STAT3: variants seen among roughly 807,000 people sequenced by gnomAD.
The protein encoded by STAT3 is DNA-binding protein APRF.
A neutral mutation model predicts 114.3 loss-of-function variants in STAT3; 7 were observed. The observed-to-expected ratio is 0.06, with a 90% CI of 0.03 to 0.11. STAT3 has a LOEUF of 0.11. Among genes scored for constraint, STAT3 ranks in the 10% least tolerant of loss-of-function variants. The pLI is 1.00. For missense variants in STAT3, 364 were observed against 960.9 expected, an observed-to-expected ratio of 0.38 and a Z score of 8.21; for synonymous variants, 331 against 354.5, an observed-to-expected ratio of 0.93 and a Z score of 0.74.
chr17:42,379,645 T>G (rs1338122376), intron 1 of STAT3, among the ~76,000 whole-genome samples: 1 of 152,130 alleles, frequency 6.6e-6, no homozygotes, highest in Admixed American at 6.6e-5. Flanking sequence ...TCATTCCTCT[T>G]CCCCTCAAAC....
intron 1 of STAT3, among the ~76,000 whole-genome samples, chr17:42,352,122 C>T (rs556221054): frequency 2.6e-5 from 4 of 151,994 alleles, no homozygotes; most frequent in South Asian, 2.1e-4. Flanking sequence ...GGGTGGATCA[C>T]GAGGTCAGGA....
intron 1 of STAT3, among the ~76,000 whole-genome samples, chr17:42,362,448 T>C (rs2083559214): frequency 6.6e-6 from 1 of 152,092 alleles, no homozygotes. Context: ...ACACTGTGGG[T>C]AGAGAGACCT....
At chr17:42,353,713 G>C (rs1233953756) in intron 1 of STAT3, among the ~76,000 whole-genome samples, 35 of 151,996 alleles carry the variant, frequency 2.3e-4, no homozygotes, top group Non-Finnish European at 2.5e-4. Flanking sequence ...GCTGGGACTA[G>C]GGGCACAAGC....
chr17:42,324,936 C>T lies in STAT3; in HGVS notation c.1464+27G>A, dbSNP rs754031019. On this transcript the variant is annotated intron_variant, in intron 16 of 23. Transcript: ENST00000264657. The surrounding 1 kb of genome is among the most constrained non-coding windows in gnomAD (Gnocchi z 4.5). ...CCCTAAGTCGCAAGAGATCCCGGGGCACCAACTAAAAGGAGGGGGCACTAA... is the reference window on the plus strand; with the variant it reads ...CCCTAAGTCGCAAGAGATCCCGGGGTACCAACTAAAAGGAGGGGGCACTAA... The T allele has an allele frequency of 6.8e-6, 11 of 1,614,128 alleles. No individual in the cohort carries two copies. Among genetic ancestry groups the T allele is most frequent in the Non-Finnish European group, 9.3e-6 (11 of 1,179,990 alleles).
intron 1 of STAT3, among the ~76,000 whole-genome samples, chr17:42,383,619 G>A (rs955626770): frequency 3.3e-5 from 5 of 152,132 alleles, no homozygotes; most frequent in African/African-American, 9.7e-5. Context: ...GTAAGCCAAG[G>A]TGTCTAACAA....
At chr17:42,381,743 A>AC (rs1422843838) in intron 1 of STAT3, among the ~76,000 whole-genome samples, 1 of 151,910 alleles carries the variant, frequency 6.6e-6, no homozygotes. Flanking sequence ...AAAAAAAAAA[A>AC]AAAAAGGAAT....
intron 1 of STAT3, 137 bp from the exon 2 acceptor site, chr17:42,348,676 C>T (rs532876515): frequency 1.1e-5 from 11 of 1,013,226 alleles, no homozygotes; most frequent in East Asian, 2.6e-5. Context: ...GCTTCTTTCT[C>T]CCAGTTTATT....
rs1197921156 is a variant in STAT3, at chr17:42,322,990, G to T, written c.1888+14C>A. On this transcript the variant is annotated intron_variant, in intron 20 of 23. Coordinates refer to ENST00000264657, the MANE Select transcript of STAT3 (RefSeq NM_139276.3). ...CAGCCACCAGCAGGTGGGGTGGGTG[G>T]GAGCCTCCCTTACCGCTGATGTCCT... 6.2e-7 allele frequency: 1 copy of T among 1,613,070 alleles called. No homozygotes were observed. The highest frequency in any genetic ancestry group is 1.3e-5 in the African/African-American group (1 of 74,984).
At chr17:42,322,232 T>G (rs1232276621) in intron 21 of STAT3, 50 bp downstream of exon 21, 2 of 1,603,570 alleles carry the variant, frequency 1.2e-6, no homozygotes, top group Non-Finnish European at 1.7e-6. Context: ...ATCCCAAAAT[T>G]TCCAACTTTT....
At chr17:42,388,061 AG>A in intron 1 of STAT3, 1 of 524,890 alleles carries the variant, frequency 1.9e-6, no homozygotes, top group East Asian at 3.5e-5. Context: ...GTTTCTCCGA[AG>A]AACGAAACTT....
rs373396475 is a variant in STAT3, at chr17:42,335,198, C to T, written c.798-1149G>A. On this transcript the variant is annotated intron_variant, in intron 8 of 23. Transcript: ENST00000264657. ...AGTGCAATGGCATGATCATAGCTCACTGCCTCCTCCAACTCCTGGACATGA... is the reference window on the plus strand; with the variant it reads ...AGTGCAATGGCATGATCATAGCTCATTGCCTCCTCCAACTCCTGGACATGA... Among the ~76,000 whole-genome samples, 11 of 152,110 alleles carry T rather than the reference C, an allele frequency of 7.2e-5. No individual in the cohort carries two copies. In the South Asian group the frequency reaches 1.9e-3, roughly 26 times the overall value.
rs1462777520 is a variant in STAT3, at chr17:42,348,456, G to C, written c.61C>G (p.Leu21Val). 6.2e-7 allele frequency: 1 copy of C among 1,614,080 alleles called. No homozygotes were observed. The highest frequency in any genetic ancestry group is 8.5e-7 in the Non-Finnish European group (1 of 1,180,038). The change falls in exon 2 of 24, where the codon CTC becomes GTC. Residue 21 changes from leucine to valine, a missense_variant. Transcript: ENST00000264657. Reference protein sequence around the residue: ...DTRYLEQLHQLYSDSFPMELR... With the variant: ...DTRYLEQLHQVYSDSFPMELR... ...TCCATTGGGAAGCTGTCACTGTAGA[G>C]CTGATGGAGCTGCTCCAGGTACCGT...
intron 21 of STAT3, among the ~76,000 whole-genome samples, chr17:42,319,620 T>C (rs1598386113): frequency 6.6e-6 from 1 of 150,838 alleles, no homozygotes; most frequent in Admixed American, 6.6e-5. Flanking sequence ...GTAAATGTAC[T>C]TTATCTAATT....
intron 4 of STAT3, among the ~76,000 whole-genome samples, chr17:42,341,777 T>TCCCTGCCACAAATAG (rs1304915500): frequency 1.3e-5 from 2 of 151,908 alleles, no homozygotes; most frequent in Non-Finnish European, 2.9e-5. Flanking sequence ...GGTCATACAG[T>TCCCTGCCACAAATAG]CCCTGCCACA....
chr17:42,343,019 A>AC (rs1210611552), intron 4 of STAT3, among the ~76,000 whole-genome samples: 382 of 148,970 alleles, frequency 2.6e-3, no homozygotes, highest in African/African-American at 6.1e-3. Flanking sequence ...AAAAAAAAAA[A>AC]AAATTAGCTG....
intron 1 of STAT3, among the ~76,000 whole-genome samples, chr17:42,376,930 A>G (rs2084504653): frequency 6.6e-6 from 1 of 152,332 alleles, no homozygotes. Flanking sequence ...ATTATCCCCA[A>G]GTTAATGTTT....
intron 14 of STAT3, among the ~76,000 whole-genome samples, chr17:42,328,124 T>C (rs952268795): frequency 6.6e-6 from 1 of 152,058 alleles, no homozygotes; most frequent in Non-Finnish European, 1.5e-5. Context: ...CAGTTTAAAA[T>C]GCAAATATCA....
At chr17:42,349,071 C>T (rs2145021791) in intron 1 of STAT3, among the ~76,000 whole-genome samples, 1 of 152,112 alleles carries the variant, frequency 6.6e-6, no homozygotes, top group South Asian at 2.1e-4. Context: ...CAAAACATGC[C>T]CAGGCTGGTC....
At chr17:42,383,088 ACT>A (rs558097444) in intron 1 of STAT3, among the ~76,000 whole-genome samples, 101 of 151,626 alleles carry the variant, frequency 6.7e-4, no homozygotes, top group Middle Eastern at 3.4e-3. Context: ...AGAATGTCTC[ACT>A]CTGTCCCCCA....
Sources: gnomAD v4.1 joint callset for allele counts (sites outside exome capture counted in the v4.1 genomes callset) on GRCh38, gnomAD v4.1.1 for gene constraint, Gnocchi (gnomAD v3.1) non-coding constraint, MANE v1.5 for transcripts, NCBI Gene and HGNC (gene_info 2026-07-23, HGNC 2026-07-21) for gene names.